Variants in BCKDHB observed in about 807,000 individuals in gnomAD.
BCKDHB encodes the protein branched chain keto acid dehydrogenase E1 subunit beta, also known as 2-oxoisovalerate dehydrogenase subunit beta, mitochondrial.
In BCKDHB, 41 loss-of-function variants were observed where a neutral mutation model predicts 48.5. The observed-to-expected ratio is 0.85, with a 90% CI of 0.66 to 1.10. The LOEUF (loss-of-function observed/expected upper bound fraction) is 1.10. BCKDHB is among the 50% of genes least tolerant of loss of function. The pLI is 0.00. For synonymous variants in BCKDHB, 201 were observed against 174.8 expected (o/e 1.15, Z -1.18); for missense variants, 496 against 494.2 (o/e 1.00, Z -0.03).
chr6:80,458,888 T>C, the BCKDHB span, among the ~76,000 whole-genome samples: 2 of 152,110 alleles, frequency 1.3e-5, no homozygotes, highest in African/African-American at 4.8e-5. Context: ...TCAGTGTCAC[T>C]AATCATCAGG....
At chr6:80,370,272 T>G in the BCKDHB span, among the ~76,000 whole-genome samples, 1 of 152,190 alleles carries the variant, frequency 6.6e-6, no homozygotes, top group African/African-American at 2.4e-5. Flanking sequence ...ATGCTTAAAC[T>G]GTCTTTCTCT....
At position 80,167,576 on chromosome 6, in the gene BCKDHB, A is replaced by G. The variant is rs182274912; in HGVS notation, c.344-102A>G. On this transcript the variant is annotated intron_variant, in intron 3 of 9. Transcript: ENST00000320393. ...ATTTTCTGTTTCCTCTACCTGTTCT[A>G]TACTTCTCCATCCCATTATTAGTTT... 1,262 of 1,229,146 alleles carry G rather than the reference A, an allele frequency of 1.0e-3. 9 individuals are homozygous for G. In the African/African-American group the frequency reaches 0.015, roughly 15 times the overall value. The allele number at this position is 1,229,146 out of a possible 1,614,324, so 76.1% of individuals were successfully genotyped here.
chr6:80,239,821 G>T (rs566762953), intron 8 of BCKDHB, among the ~76,000 whole-genome samples: 41 of 152,154 alleles, frequency 2.7e-4, no homozygotes, highest in Non-Finnish European at 5.1e-4. Context: ...TTCTACGTAT[G>T]GCTAGCCAGT....
chr6:80,409,619 T>TGC, the BCKDHB span, among the ~76,000 whole-genome samples: 1 of 94,112 alleles, frequency 1.1e-5, no homozygotes, highest in South Asian at 3.4e-4. Context: ...TATATATATA[T>TGC]ATATATATAT....
chr6:80,324,847 T>C (rs2128004633), intron 9 of BCKDHB, among the ~76,000 whole-genome samples: 1 of 152,292 alleles, frequency 6.6e-6, no homozygotes, highest in East Asian at 1.9e-4. Context: ...GAATTCACCC[T>C]GATTAGACCA....
chr6:80,265,771 A>G (rs1404707471), intron 8 of BCKDHB, among the ~76,000 whole-genome samples: 1 of 152,110 alleles, frequency 6.6e-6, no homozygotes, highest in Admixed American at 6.6e-5. Flanking sequence ...GAACAATATA[A>G]TAGGTATTAA....
At chr6:80,412,146 ATT>A in the BCKDHB span, among the ~76,000 whole-genome samples, 236 of 137,094 alleles carry the variant, frequency 1.7e-3, 1 homozygote, top group African/African-American at 6.0e-3. Context: ...CACAGTTTAC[ATT>A]TTTTTTTTTT....
intron 1 of BCKDHB, among the ~76,000 whole-genome samples, chr6:80,124,164 C>G (rs1770204476): frequency 6.6e-6 from 1 of 152,204 alleles, no homozygotes; most frequent in Non-Finnish European, 1.5e-5. Flanking sequence ...AGTAGTCATT[C>G]AGGAGCAGGT....
intron 8 of BCKDHB, among the ~76,000 whole-genome samples, chr6:80,248,337 A>T (rs1776697975): frequency 6.6e-6 from 1 of 152,148 alleles, no homozygotes; most frequent in African/African-American, 2.4e-5. Context: ...AGTTCCAGAT[A>T]CACTGCTTTT....
intron 6 of BCKDHB, among the ~76,000 whole-genome samples, chr6:80,193,957 A>G (rs1774021388): frequency 6.6e-6 from 1 of 152,140 alleles, no homozygotes; most frequent in South Asian, 2.1e-4. Context: ...TAGAATACCA[A>G]ATGTGGTTTT....
downstream of BCKDHB, among the ~76,000 whole-genome samples, chr6:80,348,628 A>G (rs1316837409): frequency 6.6e-6 from 1 of 152,204 alleles, no homozygotes; most frequent in Non-Finnish European, 1.5e-5. Flanking sequence ...AGTCTAAAAG[A>G]CTGTGTCTCA....
chr6:80,241,237 G>A (rs983744152), intron 8 of BCKDHB, among the ~76,000 whole-genome samples: 18 of 152,096 alleles, frequency 1.2e-4, no homozygotes, highest in African/African-American at 4.1e-4. Context: ...CTGATCTTCT[G>A]AAGCCTACTT....
chr6:80,381,461 G>A, the BCKDHB span, among the ~76,000 whole-genome samples: 1 of 151,976 alleles, frequency 6.6e-6, no homozygotes, highest in Non-Finnish European at 1.5e-5. Flanking sequence ...CTCACTTTCT[G>A]TTATTTAACA....
chr6:80,260,056 C>T (rs1056777465), intron 8 of BCKDHB, among the ~76,000 whole-genome samples: 5 of 152,108 alleles, frequency 3.3e-5, no homozygotes, highest in African/African-American at 1.2e-4. Context: ...TTATTTTCTT[C>T]CTTTGCTTTA....
the BCKDHB span, among the ~76,000 whole-genome samples, chr6:80,441,500 A>G: frequency 6.6e-6 from 1 of 152,196 alleles, no homozygotes; most frequent in Admixed American, 6.5e-5. Flanking sequence ...TCAATTTAAT[A>G]AAAATAATTT....
Position 80,116,359 on chromosome 6 carries a change from T to C in BCKDHB, c.196+9470T>C, listed in dbSNP as rs116156729. ...AAGTTGTTGGTTAATATTTTTCTTT[T>C]AGTTTCCTTAAACGTTTATTGAAAT... On this transcript the variant is annotated intron_variant, in intron 1 of 9. Coordinates refer to ENST00000320393, the MANE Select transcript of BCKDHB (RefSeq NM_183050.4). Among the ~76,000 whole-genome samples, 599 of 152,382 alleles carry C rather than the reference T, an allele frequency of 3.9e-3. 5 individuals are homozygous for C. The highest frequency in any genetic ancestry group is 0.014 in the African/African-American group (568 of 41,588).
chr6:80,439,086 T>A, the BCKDHB span, among the ~76,000 whole-genome samples: 3 of 152,206 alleles, frequency 2.0e-5, no homozygotes, highest in East Asian at 1.9e-4. Context: ...AACATCTTAA[T>A]GAGTTTTGCT....
At chr6:80,289,076 G>A (rs1766777639) in intron 9 of BCKDHB, among the ~76,000 whole-genome samples, 1 of 152,158 alleles carries the variant, frequency 6.6e-6, no homozygotes, top group Non-Finnish European at 1.5e-5. Context: ...CCCTCATTGA[G>A]GGATTATTGA....
chr6:80,277,274 A>C (rs3805895), intron 9 of BCKDHB, among the ~76,000 whole-genome samples: 4,604 of 152,126 alleles, frequency 0.03, 86 homozygotes, highest in East Asian at 0.052. Context: ...TGATGCTTGT[A>C]TGCTTCAGCT....
Sources: allele counts gnomAD v4.1 joint callset (sites outside exome capture counted in the v4.1 genomes callset), GRCh38; gene constraint gnomAD v4.1.1; transcripts MANE v1.5; gene names NCBI Gene and HGNC (gene_info 2026-07-23, HGNC 2026-07-21).